CCDC160: variants seen among roughly 807,000 people sequenced by gnomAD.
CCDC160 encodes the protein coiled-coil domain containing 160.
For synonymous variants in CCDC160, 94 were observed against 79.4 expected, an observed-to-expected ratio of 1.18 and a Z score of -0.98; for missense variants, 227 against 215.6, an observed-to-expected ratio of 1.05 and a Z score of -0.33.
intron 1 of CCDC160, among the ~76,000 whole-genome samples, chrX:134,243,149 A>G (rs900530272): frequency 8.9e-6 from 1 of 112,131 alleles, no homozygotes; most frequent in Non-Finnish European, 1.9e-5. Flanking sequence ...AAAGAAGATG[A>G]TGCTCCAATG....
exon 2 of CCDC160, chrX:134,245,556 C>T (rs773360938): frequency 1.4e-4 from 173 of 1,198,266 alleles, no homozygotes; most frequent in Non-Finnish European, 1.8e-4. Flanking sequence ...AGCATCAAAC[C>T]GAGGTTGGAA....
chrX:134,246,036 C>CGTGT (rs2077042433), downstream of CCDC160: 1 of 152,043 alleles, frequency 6.6e-6, no homozygotes, highest in African/African-American at 4.4e-5. Flanking sequence ...TGTGTGTGTA[C>CGTGT]ACACACACAT....
At chrX:134,242,558 T>G (rs2077030463) in intron 1 of CCDC160, among the ~76,000 whole-genome samples, 1 of 105,410 alleles carries the variant, frequency 9.5e-6, no homozygotes, top group South Asian at 4.0e-4. Context: ...ACAGTGAAAA[T>G]TAAAAAGTGT....
intron 1 of CCDC160, among the ~76,000 whole-genome samples, chrX:134,241,796 C>G (rs1241477273): frequency 8.9e-6 from 1 of 111,812 alleles, no homozygotes; most frequent in Admixed American, 9.5e-5. Flanking sequence ...ACAGGCATGC[C>G]TACACTTTCA....
chrX:134,245,143 G>A, exon 2 of CCDC160: 1 of 1,196,620 alleles, frequency 8.4e-7, no homozygotes, highest in Non-Finnish European at 1.1e-6. Context: ...TAACAGCACA[G>A]AAGATAACTC....
At chrX:134,245,245 C>T in exon 2 of CCDC160, 1 of 1,193,625 alleles carries the variant, frequency 8.4e-7, no homozygotes, top group Non-Finnish European at 1.1e-6. Context: ...TTGCCTGAAT[C>T]TTTTGAATGA....
chrX:134,243,613 G>T (rs1348899752), intron 1 of CCDC160, among the ~76,000 whole-genome samples: 1 of 112,101 alleles, frequency 8.9e-6, no homozygotes, highest in East Asian at 2.8e-4. Flanking sequence ...AATAATCAAA[G>T]AAAATATTAA....
intron 1 of CCDC160, chrX:134,243,304 C>T: frequency 1.4e-6 from 1 of 713,110 alleles, no homozygotes; most frequent in Non-Finnish European, 1.7e-6. Flanking sequence ...ATATATGTAC[C>T]TTCTCCTTTC....
intron 1 of CCDC160, among the ~76,000 whole-genome samples, chrX:134,238,418 G>A (rs2077017400): frequency 2.0e-5 from 2 of 99,970 alleles, no homozygotes; most frequent in Admixed American, 1.1e-4. Flanking sequence ...TGTTGCCCAG[G>A]CTGGAGTGCA....
At chrX:134,244,914 A>G (rs368520539) in exon 2 of CCDC160, 87 of 1,204,293 alleles carry the variant, frequency 7.2e-5, no homozygotes, top group Non-Finnish European at 9.2e-5. Context: ...AAACGACTGC[A>G]GATAGCAGCA....
Position 134,245,171 on chromosome X carries a change from A to G in CCDC160, c.371A>G (p.Asn124Ser), listed in dbSNP as rs755493157. 13 of 1,198,308 alleles carry G rather than the reference A, an allele frequency of 1.1e-5. No individual in the cohort carries two copies. In the South Asian group the frequency reaches 2.2e-4, roughly 20 times the overall value. Residue 124 changes from asparagine to serine, a missense_variant, in exon 2 of 2, where the codon AAC (asparagine) becomes AGC (serine). Physicochemically the swap from Asn to Ser is conservative, Grantham distance 46 (BLOSUM62 1). Transcript: ENST00000370809. ...GATAACTCTACCTGCAGTACAGATAACTTACCAGCTCTACTAAGACAAGAC... is the reference window on the plus strand; with the variant it reads ...GATAACTCTACCTGCAGTACAGATAGCTTACCAGCTCTACTAAGACAAGAC...
At chrX:134,241,142 G>C (rs1400196280) in intron 1 of CCDC160, among the ~76,000 whole-genome samples, 1 of 110,962 alleles carries the variant, frequency 9.0e-6, no homozygotes, top group African/African-American at 3.3e-5. Context: ...AAACTGAGAT[G>C]GTTTGTGGAT....
At chrX:134,239,881 A>G (rs2077021828) in intron 1 of CCDC160, among the ~76,000 whole-genome samples, 1 of 112,217 alleles carries the variant, frequency 8.9e-6, no homozygotes, top group African/African-American at 3.2e-5. Context: ...TGTGGGGGCC[A>G]AGATATCTGA....
At chrX:134,243,487 T>G in intron 1 of CCDC160, 1 of 259,980 alleles carries the variant, frequency 3.8e-6, no homozygotes, top group Non-Finnish European at 5.3e-6. Context: ...TAAACTACTG[T>G]TTGTAAAAAG....
At chrX:134,245,471 T>C in exon 2 of CCDC160, 2 of 1,189,372 alleles carry the variant, frequency 1.7e-6, no homozygotes, top group Non-Finnish European at 2.3e-6. Flanking sequence ...AGTGAACAGC[T>C]CCAGCAAGCC....
intron 1 of CCDC160, among the ~76,000 whole-genome samples, chrX:134,241,215 T>C (rs1287626799): frequency 8.9e-6 from 1 of 112,022 alleles, no homozygotes; most frequent in Non-Finnish European, 1.9e-5. Context: ...TAGATGTGCA[T>C]TCCTCTAAGA....
chrX:134,238,433 C>A (rs377290740), intron 1 of CCDC160, among the ~76,000 whole-genome samples: 2 of 92,302 alleles, frequency 2.2e-5, no homozygotes, highest in African/African-American at 8.5e-5. Context: ...AGTGCAGTGG[C>A]GCAATTTCGG....
At chrX:134,243,203 G>T (rs968300473) in intron 1 of CCDC160, among the ~76,000 whole-genome samples, 3 of 112,078 alleles carry the variant, frequency 2.7e-5, no homozygotes, top group Non-Finnish European at 5.6e-5. Flanking sequence ...TATCATTGTG[G>T]TCTGATTGAC....
Position 134,245,028 on chromosome X carries a change from A to G in CCDC160, c.228A>G (p.Glu76=), listed in dbSNP as rs184888832. Reference sequence around the variant, plus strand: ...TCCAACTAAATGAAATAGAACAAGAACAAAATTTAAGAGAGAACAAGAGAA... The same window carrying G: ...TCCAACTAAATGAAATAGAACAAGAGCAAAATTTAAGAGAGAACAAGAGAA... Residue 76 remains glutamate (E), a synonymous_variant, in exon 2 of 2, where the codon GAA becomes GAG. Transcript: ENST00000370809. The G allele has an allele frequency of 3.1e-5, 36 of 1,177,988 alleles. No individual in the cohort carries two copies. The East Asian group carries it at 9.5e-4, about 31-fold the overall frequency.
Sources: gnomAD v4.1 joint callset for allele counts (sites outside exome capture counted in the v4.1 genomes callset) on GRCh38, gnomAD v4.1.1 for gene constraint, MANE v1.5 for transcripts, NCBI Gene and HGNC (gene_info 2026-07-23, HGNC 2026-07-21) for gene names.